NKAIN3: variants seen among roughly 807,000 people sequenced by gnomAD.
The protein encoded by NKAIN3 is sodium/potassium-transporting ATPase subunit beta-1-interacting protein 3.
In NKAIN3, 25 loss-of-function variants were observed where a neutral mutation model predicts 30.2. The ratio of observed to expected loss-of-function variants is 0.83; its 90% CI spans 0.60 to 1.16. NKAIN3 has a LOEUF of 1.16. Ranked by LOEUF, NKAIN3 falls within the 50% of genes most tolerant of loss-of-function variation. The pLI, the probability that NKAIN3 is intolerant of heterozygous loss-of-function variation, is 0.00. For synonymous variants in NKAIN3, 91 were observed against 89.6 expected, an observed-to-expected ratio of 1.02 and a Z score of -0.09; for missense variants, 225 against 254.1, an observed-to-expected ratio of 0.89 and a Z score of 0.78.
At chr8:62,451,261 C>CCTCTT (rs200257243) in intron 1 of NKAIN3, among the ~76,000 whole-genome samples, 1 of 150,832 alleles carries the variant, frequency 6.6e-6, no homozygotes, top group Non-Finnish European at 1.5e-5. Flanking sequence ...CTTCTCTTCT[C>CCTCTT]CTCTTCTCTT....
chr8:62,342,640 T>C (rs966455975), intron 1 of NKAIN3, among the ~76,000 whole-genome samples: 4 of 152,098 alleles, frequency 2.6e-5, no homozygotes, highest in African/African-American at 9.7e-5. Flanking sequence ...GTTTCTCATC[T>C]TGTGACACTG....
At chr8:62,823,221 A>G (rs1007869761) in intron 4 of NKAIN3, among the ~76,000 whole-genome samples, 8 of 152,202 alleles carry the variant, frequency 5.3e-5, no homozygotes, top group African/African-American at 1.9e-4. Flanking sequence ...TGATGTTATG[A>G]CAGCTGCAAT....
intron 1 of NKAIN3, among the ~76,000 whole-genome samples, chr8:62,468,427 G>GT (rs1806227303): frequency 6.6e-6 from 1 of 152,130 alleles, no homozygotes. Flanking sequence ...TTTGCACTGT[G>GT]TTAAGAAGTG....
chr8:62,417,546 A>G (rs1206624446), intron 1 of NKAIN3, among the ~76,000 whole-genome samples: 1 of 152,168 alleles, frequency 6.6e-6, no homozygotes, highest in Non-Finnish European at 1.5e-5. Context: ...GGGAACCTCT[A>G]AACTGTTCTC....
intron 1 of NKAIN3, among the ~76,000 whole-genome samples, chr8:62,394,144 G>A (rs192475361): frequency 6.6e-6 from 1 of 152,092 alleles, no homozygotes; most frequent in Non-Finnish European, 1.5e-5. Context: ...CCAATTTCAG[G>A]AGAAAACATT....
chr8:62,554,235 T>A (rs540991501), intron 1 of NKAIN3, among the ~76,000 whole-genome samples: 1 of 152,314 alleles, frequency 6.6e-6, no homozygotes, highest in Non-Finnish European at 1.5e-5. Flanking sequence ...AAACATCAGA[T>A]TTTTATTTTT....
chr8:62,320,825 C>G (rs1307103581), intron 1 of NKAIN3, among the ~76,000 whole-genome samples: 1 of 152,156 alleles, frequency 6.6e-6, no homozygotes, highest in Non-Finnish European at 1.5e-5. Context: ...AATTGCTCTT[C>G]TCAAGGAGTA....
chr8:62,404,624 G>C (rs1203710408), intron 1 of NKAIN3, among the ~76,000 whole-genome samples: 2 of 152,104 alleles, frequency 1.3e-5, no homozygotes, highest in Non-Finnish European at 2.9e-5. Context: ...ATGATTTTAA[G>C]TTTCATGGAG....
At chr8:62,987,668 C>A (rs1238292033), downstream of NKAIN3, among the ~76,000 whole-genome samples, 1 of 151,072 alleles carries the variant, frequency 6.6e-6, no homozygotes. Context: ...CCACTGGGTC[C>A]CTCCTATAAC....
intron 1 of NKAIN3, among the ~76,000 whole-genome samples, chr8:62,516,903 C>T (rs75365587): frequency 0.082 from 12,465 of 152,044 alleles, 680 homozygotes; most frequent in East Asian, 0.19. Context: ...ATCTCCACCC[C>T]GCTTCCAGAA....
chr8:62,338,892 C>T (rs1330367939), intron 1 of NKAIN3, among the ~76,000 whole-genome samples: 3 of 152,008 alleles, frequency 2.0e-5, no homozygotes, highest in Non-Finnish European at 4.4e-5. Flanking sequence ...CCCCAGCCCA[C>T]TGACTCAAAT....
chr8:62,753,237 C>T (rs1037216138), intron 4 of NKAIN3, among the ~76,000 whole-genome samples: 6 of 151,674 alleles, frequency 4.0e-5, no homozygotes, highest in East Asian at 1.9e-4. Context: ...CACACACGCA[C>T]GCACGCACAG....
rs1211670350 is a variant in NKAIN3, at chr8:62,796,807, C to CAT, written c.471+49679_471+49680insTA. ...TCACACATACACACACACACACACA[C>CAT]ACACACACAAATACTCATGAACACA... is the stretch of plus-strand genomic sequence containing the variant. On this transcript the variant is annotated intron_variant, in intron 4 of 6. Transcript: ENST00000623646. Among the ~76,000 whole-genome samples the CAT allele has an allele frequency of 2.6e-5, 4 of 151,958 alleles. No homozygotes were observed. The East Asian group carries it at 7.7e-4, about 29-fold the overall frequency.
chr8:62,438,974 G>A (rs2129598086), intron 1 of NKAIN3, among the ~76,000 whole-genome samples: 1 of 152,324 alleles, frequency 6.6e-6, no homozygotes. Context: ...GAAACTGGAA[G>A]AGGCCACTGT....
chr8:62,444,270 C>T (rs1328613807), intron 1 of NKAIN3, among the ~76,000 whole-genome samples: 1 of 152,072 alleles, frequency 6.6e-6, no homozygotes, highest in African/African-American at 2.4e-5. Flanking sequence ...TATCTTCTAG[C>T]TACTTTGAAA....
intron 3 of NKAIN3, among the ~76,000 whole-genome samples, chr8:62,737,434 C>T (rs1233259290): frequency 6.6e-6 from 1 of 152,158 alleles, no homozygotes. Context: ...ATGACTTGAA[C>T]ACCCTGAAAA....
chr8:62,651,490 C>T (rs77604127), intron 3 of NKAIN3, among the ~76,000 whole-genome samples: 3 of 152,130 alleles, frequency 2.0e-5, no homozygotes, highest in Admixed American at 6.5e-5. Flanking sequence ...TAACAAAATA[C>T]CAGAAACTGC....
chr8:62,564,731 G>T (rs534483573), intron 1 of NKAIN3, among the ~76,000 whole-genome samples: 1 of 152,236 alleles, frequency 6.6e-6, no homozygotes, highest in Admixed American at 6.5e-5. Context: ...ATTGCTTCTT[G>T]ATGTTTTGTT....
chr8:62,279,730 T>A (rs1407153618), intron 1 of NKAIN3, among the ~76,000 whole-genome samples: 3 of 152,238 alleles, frequency 2.0e-5, no homozygotes, highest in African/African-American at 7.2e-5. Flanking sequence ...TCCATTGGTC[T>A]ATATCTCTGT....
Sources: allele counts gnomAD v4.1 joint callset (sites outside exome capture counted in the v4.1 genomes callset), GRCh38; gene constraint gnomAD v4.1.1; transcripts MANE v1.5; gene names NCBI Gene and HGNC (gene_info 2026-07-23, HGNC 2026-07-21).